The following CCNJL variants were observed in gnomAD, a reference collection of about 807,000 sequenced individuals.
The protein encoded by CCNJL is cyclin J like.
In CCNJL, 33 loss-of-function variants were observed where a neutral mutation model predicts 33.4. The ratio of observed to expected loss-of-function variants is 0.99; its 90% confidence interval spans 0.75 to 1.32. The LOEUF is 1.32. Ranked by LOEUF, CCNJL falls within the 40% of genes most tolerant of loss-of-function variation. The probability of loss-of-function intolerance (pLI) is 0.00; values close to 1 mark genes in which losing one functional copy is unlikely to be tolerated. For synonymous variants in CCNJL, 227 were observed against 220.9 expected (o/e 1.03, Z -0.24); for missense variants, 512 against 499.7 (o/e 1.02, Z -0.23).
chr5:160,307,606 C>T (rs920935203), intron 2 of CCNJL, among the ~76,000 whole-genome samples: 2 of 152,178 alleles, frequency 1.3e-5, no homozygotes, highest in African/African-American at 4.8e-5. Context: ...TCACTAGCAG[C>T]CTCCTCACTG....
intron 3 of CCNJL, among the ~76,000 whole-genome samples, chr5:160,275,122 C>T (rs1243840149): frequency 2.0e-5 from 3 of 147,724 alleles, no homozygotes; most frequent in Non-Finnish European, 3.0e-5. Flanking sequence ...TCTTGCCCTG[C>T]GGCCTAGGCT....
chr5:160,291,954 C>G (rs1382699109), intron 2 of CCNJL, among the ~76,000 whole-genome samples: 3 of 152,038 alleles, frequency 2.0e-5, no homozygotes, highest in Admixed American at 6.6e-5. Context: ...TGAACTGGCC[C>G]GACTTGGAAA....
At chr5:160,320,845 C>CT (rs1561812531) in intron 1 of CCNJL, among the ~76,000 whole-genome samples, 1 of 81,868 alleles carries the variant, frequency 1.2e-5, no homozygotes, top group African/African-American at 4.0e-5. Flanking sequence ...TTCTTTCTTT[C>CT]TTTCCTTCTT....
upstream of CCNJL, among the ~76,000 whole-genome samples, chr5:160,314,300 CTG>C (rs1763352099): frequency 6.6e-6 from 1 of 152,142 alleles, no homozygotes; most frequent in Non-Finnish European, 1.5e-5. Flanking sequence ...AGTGGAATAA[CTG>C]AAAGTCTAGG....
chr5:160,311,806 C>G (rs1763268287), intron 2 of CCNJL, 52 bp downstream of exon 2: 1 of 1,557,522 alleles, frequency 6.4e-7, no homozygotes, highest in Non-Finnish European at 8.9e-7. Context: ...AAGTCGAGAC[C>G]GAAGGAGACT....
chr5:160,336,965 C>T (rs1429235437), intron 1 of CCNJL, among the ~76,000 whole-genome samples: 7 of 148,288 alleles, frequency 4.7e-5, no homozygotes, highest in African/African-American at 1.0e-4. Context: ...TTTTTTTTTT[C>T]CTCCCTCCCT....
intron 3 of CCNJL, among the ~76,000 whole-genome samples, chr5:160,275,259 A>T (rs1761972167): frequency 6.7e-6 from 1 of 148,644 alleles, no homozygotes; most frequent in Non-Finnish European, 1.5e-5. Context: ...TAATTTTTGG[A>T]ATTTTTAGTA....
intron 3 of CCNJL, among the ~76,000 whole-genome samples, chr5:160,267,785 C>T (rs1761668194): frequency 1.3e-5 from 2 of 152,192 alleles, no homozygotes; most frequent in Admixed American, 1.3e-4. Context: ...TGGTCTTGAA[C>T]TCCTGGGCTC....
intron 1 of CCNJL, among the ~76,000 whole-genome samples, chr5:160,330,093 A>G (rs1581023481): frequency 6.6e-6 from 1 of 152,196 alleles, no homozygotes; most frequent in East Asian, 1.9e-4. Context: ...TTCAGATTTG[A>G]ATCCTCATGT....
chr5:160,326,500 A>AAG (rs991301399), intron 1 of CCNJL, among the ~76,000 whole-genome samples: 5 of 151,522 alleles, frequency 3.3e-5, no homozygotes, highest in Non-Finnish European at 7.4e-5. Context: ...AAAAAAAAAA[A>AAG]AAAAAAAAAG....
chr5:160,266,081 T>G (rs933658), intron 3 of CCNJL, among the ~76,000 whole-genome samples: 16,500 of 152,234 alleles, frequency 0.11, 1,597 homozygotes, highest in African/African-American at 0.25. Flanking sequence ...GGAAAGATGG[T>G]GCTGGCGGGT....
chr5:160,336,408 CAG>C (rs1284034470), intron 1 of CCNJL, among the ~76,000 whole-genome samples: 1 of 152,154 alleles, frequency 6.6e-6, no homozygotes, highest in Non-Finnish European at 1.5e-5. Flanking sequence ...ACCAAGGAGG[CAG>C]AGACTGCAGC....
chr5:160,293,459 A>G (rs957644283), intron 2 of CCNJL, among the ~76,000 whole-genome samples: 1 of 152,210 alleles, frequency 6.6e-6, no homozygotes, highest in Non-Finnish European at 1.5e-5. Flanking sequence ...ATTATAAAAT[A>G]CTTAATCACT....
chr5:160,271,680 G>A (rs1002852390), intron 3 of CCNJL, among the ~76,000 whole-genome samples: 1 of 152,262 alleles, frequency 6.6e-6, no homozygotes, highest in Non-Finnish European at 1.5e-5. Flanking sequence ...CCTGTGCCGC[G>A]TGGCCACCAC....
chr5:160,255,526 C>T (rs1761021346), intron 5 of CCNJL, 23 bp downstream of exon 5: 14 of 1,611,104 alleles, frequency 8.7e-6, no homozygotes, highest in East Asian at 4.5e-5. Flanking sequence ...TTCAGAAACA[C>T]AGGATTCAGG....
chr5:160,280,616 G>T lies in CCNJL; in HGVS notation c.189C>A (p.Ala63=). The part of the protein sequence containing the change: ...CQLCPAARHL[A]VYLLDHFMDR... ...CCATGAAGTGGTCCAGCAGGTAGAC[G>T]GCCAGGTGCCGGGCTGCAGGGCAGA... is the stretch of plus-strand genomic sequence containing the variant. The change falls in exon 3 of 6, where the codon GCC becomes GCA. Residue 63 remains alanine (A), a synonymous_variant. Coordinates refer to ENST00000257536, the MANE Select transcript of CCNJL (RefSeq NM_001308173.3). 1 of 1,613,634 alleles carries T rather than the reference G, an allele frequency of 6.2e-7. No homozygotes were observed. The highest frequency in any genetic ancestry group is 1.1e-5 in the South Asian group (1 of 91,084).
chr5:160,307,118 C>T lies in CCNJL; in HGVS notation c.66+4740G>A, dbSNP rs1335494635. Reference sequence around the variant, plus strand: ...GCATCCCTGCACACAAGCATTCATTCAACATTTCCCAGAAGAGTCCATTTG... The same window carrying T: ...GCATCCCTGCACACAAGCATTCATTTAACATTTCCCAGAAGAGTCCATTTG... On this transcript the variant is annotated intron_variant, in intron 2 of 5. Transcript: ENST00000257536. Among the ~76,000 whole-genome samples the T allele has an allele frequency of 2.6e-5, 4 of 152,354 alleles. No individual in the cohort carries two copies. In the East Asian group the frequency reaches 7.7e-4, roughly 29 times the overall value.
chr5:160,296,624 G>A (rs1317347827), intron 2 of CCNJL, among the ~76,000 whole-genome samples: 2 of 152,168 alleles, frequency 1.3e-5, no homozygotes, highest in African/African-American at 4.8e-5. Flanking sequence ...GGGTTCTCAG[G>A]ATAAGGTTCA....
At chr5:160,265,384 T>G (rs1761533040) in intron 3 of CCNJL, among the ~76,000 whole-genome samples, 1 of 152,136 alleles carries the variant, frequency 6.6e-6, no homozygotes, top group Non-Finnish European at 1.5e-5. Flanking sequence ...ACGCCTGTAA[T>G]CCCAGCACTT....
Sources: allele counts gnomAD v4.1 joint callset (sites outside exome capture counted in the v4.1 genomes callset), GRCh38; gene constraint gnomAD v4.1.1; transcripts MANE v1.5; gene names NCBI Gene and HGNC (gene_info 2026-07-23, HGNC 2026-07-21).